NBEAL1: variants seen among roughly 807,000 people sequenced by gnomAD.
NBEAL1 encodes the protein neurobeachin-like protein 1.
NBEAL1 carries 273 observed loss-of-function variants against 351.3 expected under a neutral mutation model. The observed-to-expected ratio is 0.78, with a 90% CI of 0.70 to 0.86. NBEAL1 has a LOEUF of 0.86. NBEAL1 is among the 40% of genes least tolerant of loss of function. The probability of loss-of-function intolerance (pLI) is 0.00; values close to 1 mark genes in which losing one functional copy is unlikely to be tolerated. For synonymous variants in NBEAL1, 1,050 were observed against 1,086.4 expected, an observed-to-expected ratio of 0.97 and a Z score of 0.66; for missense variants, 2,961 against 3,201.3, an observed-to-expected ratio of 0.92 and a Z score of 1.81.
At chr2:203,185,132 C>A (rs1168624358) in intron 44 of NBEAL1, among the ~76,000 whole-genome samples, 1 of 152,102 alleles carries the variant, frequency 6.6e-6, no homozygotes, top group Non-Finnish European at 1.5e-5. Flanking sequence ...CAGACATCCT[C>A]GCAGAAGTAT....
chr2:203,087,825 A>AG, intron 10 of NBEAL1, among the ~76,000 whole-genome samples: 1 of 152,348 alleles, frequency 6.6e-6, no homozygotes, highest in Middle Eastern at 3.4e-3. Context: ...GAAGGCAAGC[A>AG]GGCTGACTTT....
chr2:203,132,239 G>A, intron 26 of NBEAL1, 107 bp downstream of exon 26: 2 of 735,100 alleles, frequency 2.7e-6, no homozygotes, highest in Non-Finnish European at 4.3e-6. Flanking sequence ...ATTTGATTCA[G>A]CAGGGCCTTC....
chr2:203,168,374 T>TC (rs2064204179), intron 38 of NBEAL1, among the ~76,000 whole-genome samples: 1 of 151,558 alleles, frequency 6.6e-6, no homozygotes, highest in Non-Finnish European at 1.5e-5. Flanking sequence ...TCACCTGAAG[T>TC]CAGGAGTTCG....
chr2:203,068,245 C>T, intron 6 of NBEAL1, 148 bp from the exon 7 acceptor site: 1 of 429,652 alleles, frequency 2.3e-6, no homozygotes, highest in Non-Finnish European at 4.1e-6. Flanking sequence ...GGCTAGACTT[C>T]CTTTTCAAGA....
rs1278996163 is a variant in NBEAL1, at chr2:203,133,130, T to A, written c.3797T>A (p.Val1266Glu). The A allele has an allele frequency of 1.3e-6, 2 of 1,488,304 alleles. No homozygotes were observed. The highest frequency in any genetic ancestry group is 5.0e-5 in the East Asian group (2 of 39,922). 92.2% of individuals were successfully genotyped at this position (1,488,304 alleles called of 1,614,324 possible). A position where few individuals can be genotyped will look rare whatever the true frequency, so the allele number is the denominator to read the frequency against. The change falls in exon 27 of 56, where the codon GTG becomes GAG. Residue 1266 changes from valine (V) to glutamate (E), a missense_variant. By Grantham distance (121) the Val-to-Glu change is moderately radical. Coordinates refer to ENST00000683969, the MANE Select transcript of NBEAL1 (RefSeq NM_001378026.1). ...CACAGAGCACATATAAATGTTAGAG[T>A]GGCCATCTGCAGAAAGGTCAGTAAA... ...ISHRAHINVR[V>E]AICRKVLQIL...
chr2:203,096,626 T>A (rs562894219), intron 10 of NBEAL1, among the ~76,000 whole-genome samples: 1 of 152,220 alleles, frequency 6.6e-6, no homozygotes, highest in Non-Finnish European at 1.5e-5. Flanking sequence ...TAATCTCAAT[T>A]TTCCTTTACA....
At chr2:203,170,325 T>C (rs2064281350) in intron 39 of NBEAL1, among the ~76,000 whole-genome samples, 1 of 152,028 alleles carries the variant, frequency 6.6e-6, no homozygotes, top group South Asian at 2.1e-4. Context: ...TGAGCTAAGA[T>C]TCGTGCCACT....
chr2:203,173,743 C>T (rs1357177382), intron 41 of NBEAL1, among the ~76,000 whole-genome samples: 1 of 151,804 alleles, frequency 6.6e-6, no homozygotes, highest in African/African-American at 2.4e-5. Context: ...ATATAAATAA[C>T]TTATTTTATT....
intron 10 of NBEAL1, among the ~76,000 whole-genome samples, chr2:203,096,318 A>G (rs2062183524): frequency 6.6e-6 from 1 of 152,212 alleles, no homozygotes; most frequent in African/African-American, 2.4e-5. Context: ...ATACTCTTCC[A>G]TAACATATAA....
In NBEAL1 at chr2:203,136,798, C is replaced by T. The variant is rs73056773; in HGVS notation, c.4565+24C>T. On this transcript the variant is annotated intron_variant, in intron 29 of 55. Coordinates refer to ENST00000683969, the MANE Select transcript of NBEAL1 (RefSeq NM_001378026.1). ...ACGTAAGCATTTAGTTAGTGATTTT[C>T]CATCCTCCTTTTGGTGACAGCAGGA... The T allele has an allele frequency of 1.1e-3, 1,841 of 1,601,786 alleles. 20 individuals are homozygous for T. The African/African-American group carries it at 0.02, about 18-fold the overall frequency.
chr2:203,031,196 G>A (rs1160218474), intron 2 of NBEAL1, among the ~76,000 whole-genome samples: 2 of 152,118 alleles, frequency 1.3e-5, no homozygotes, highest in East Asian at 3.8e-4. Flanking sequence ...GTCTTCGTTT[G>A]CATTGTTTGG....
At chr2:203,164,497 A>C (rs2064069305) in intron 36 of NBEAL1, among the ~76,000 whole-genome samples, 1 of 152,088 alleles carries the variant, frequency 6.6e-6, no homozygotes, top group African/African-American at 2.4e-5. Flanking sequence ...TTTGTTTTAC[A>C]CTGAAGAACC....
At chr2:203,097,115 AT>A (rs2062202306) in intron 10 of NBEAL1, among the ~76,000 whole-genome samples, 1 of 152,216 alleles carries the variant, frequency 6.6e-6, no homozygotes, top group African/African-American at 2.4e-5. Flanking sequence ...ACTTCCCTTT[AT>A]AAAACCATCA....
chr2:203,136,198 C>G lies in NBEAL1; in HGVS notation c.4335C>G (p.Ser1445Arg). 1 of 1,610,886 alleles carries G rather than the reference C, an allele frequency of 6.2e-7. No homozygotes were observed. The highest frequency in any genetic ancestry group is 1.3e-5 in the African/African-American group (1 of 74,934). Residue 1445 changes from serine to arginine, a missense_variant, in exon 28 of 56, where the codon AGC (serine) becomes AGG (arginine). By Grantham distance (110) the Ser-to-Arg change is moderately radical (BLOSUM62 -1). Coordinates refer to ENST00000683969, the MANE Select transcript of NBEAL1 (RefSeq NM_001378026.1). Reference protein sequence around the residue: ...SFSVHSDRESSITNDMGFSDD... With the variant: ...SFSVHSDRESRITNDMGFSDD... ...CTGTGCACTCTGACAGAGAAAGCAG[C>G]ATCACAAATGATATGGGCTTTAGTG...
intron 15 of NBEAL1, 67 bp from the exon 16 acceptor site, chr2:203,111,912 G>C (rs1476543689): frequency 6.7e-7 from 1 of 1,482,096 alleles, no homozygotes; most frequent in Non-Finnish European, 9.0e-7. Context: ...GCAAACTTCT[G>C]AAAGCATTTG....
chr2:203,103,316 C>A (rs926487986), intron 12 of NBEAL1, among the ~76,000 whole-genome samples: 1 of 151,954 alleles, frequency 6.6e-6, no homozygotes, highest in Non-Finnish European at 1.5e-5. Flanking sequence ...GTCTGCCACC[C>A]AGGCTGGAGT....
chr2:203,138,967 C>T (rs1000555958), intron 31 of NBEAL1, among the ~76,000 whole-genome samples: 1 of 152,096 alleles, frequency 6.6e-6, no homozygotes, highest in African/African-American at 2.4e-5. Flanking sequence ...CTTCCTTTTA[C>T]AGGATTTATA....
intron 55 of NBEAL1, among the ~76,000 whole-genome samples, chr2:203,215,201 C>T (rs1426163290): frequency 6.6e-6 from 1 of 152,218 alleles, no homozygotes; most frequent in East Asian, 1.9e-4. Flanking sequence ...ACTAAAAATA[C>T]AAAAATTAGC....
chr2:203,145,548 C>G (rs1356328717), intron 33 of NBEAL1, among the ~76,000 whole-genome samples: 2 of 151,910 alleles, frequency 1.3e-5, no homozygotes, highest in African/African-American at 4.8e-5. Context: ...GTGTAATCCC[C>G]ACACTTTGGG....
Sources: gnomAD v4.1 joint callset for allele counts (sites outside exome capture counted in the v4.1 genomes callset) on GRCh38, gnomAD v4.1.1 for gene constraint, MANE v1.5 for transcripts, NCBI Gene and HGNC (gene_info 2026-07-23, HGNC 2026-07-21) for gene names.